Variants in PPP1R1C observed in about 807,000 individuals in gnomAD.
PPP1R1C encodes the protein protein phosphatase 1 regulatory subunit 1C.
Under a neutral mutation model 17.4 loss-of-function variants are expected in PPP1R1C, and 15 were observed. That is an observed-to-expected ratio of 0.86 (90% CI 0.58 to 1.33). The LOEUF (loss-of-function observed/expected upper bound fraction) is 1.33. Among genes scored for constraint, PPP1R1C ranks in the 40% most tolerant of loss-of-function variants. PPP1R1C has a pLI of 0.00. For synonymous variants in PPP1R1C, 35 were observed against 43.1 expected (o/e 0.81, Z 0.73); for missense variants, 143 against 130.0 (o/e 1.10, Z -0.48).
At chr2:182,011,946 A>T (rs1686098008) in intron 2 of PPP1R1C, among the ~76,000 whole-genome samples, 1 of 151,822 alleles carries the variant, frequency 6.6e-6, no homozygotes, top group Non-Finnish European at 1.5e-5. Flanking sequence ...CTTCTTATTG[A>T]TTTTTAATGT....
At chr2:182,000,629 AATGAAAGTTTAGTTATGT>A (rs1319963881) in intron 2 of PPP1R1C, among the ~76,000 whole-genome samples, 2 of 152,144 alleles carry the variant, frequency 1.3e-5, no homozygotes, top group Non-Finnish European at 2.9e-5. Context: ...TAAGGAAGCT[AATGAAAGTTTAGTTATGT>A]ATTATTTGGT....
chr2:182,031,631 C>T (rs1334478327), intron 2 of PPP1R1C, among the ~76,000 whole-genome samples: 1 of 152,172 alleles, frequency 6.6e-6, no homozygotes, highest in Non-Finnish European at 1.5e-5. Context: ...ACAATAGCCT[C>T]ACTTCTTATT....
rs564697507 is a variant in PPP1R1C, at chr2:182,019,315, T to C, written c.142+31416T>C. 1.2e-3 allele frequency among the ~76,000 whole-genome samples: 181 copies of C among 152,240 alleles called. 1 individual carries two copies. Among genetic ancestry groups the C allele is most frequent in the African/African-American group, 4.2e-3 (174 of 41,540 alleles). ...GGCCCTCCAGCCCCATGCAAAGTAC[T>C]TTCTCTCATCAAATATTTTTGCCAT... On this transcript the variant is annotated intron_variant, in intron 2 of 4. Coordinates refer to ENST00000682840, the MANE Select transcript of PPP1R1C (RefSeq NM_001080545.3).
intron 2 of PPP1R1C, among the ~76,000 whole-genome samples, chr2:182,042,539 C>T (rs747204635): frequency 9.2e-5 from 14 of 152,152 alleles, no homozygotes; most frequent in Non-Finnish European, 1.5e-4. Context: ...TGGCTTCAGT[C>T]CTCTAGTGGT....
At chr2:182,115,966 A>G (rs145082893) in intron 4 of PPP1R1C, among the ~76,000 whole-genome samples, 1,733 of 152,296 alleles carry the variant, frequency 0.011, 30 homozygotes, top group African/African-American at 0.037. Flanking sequence ...AAAAAGTGTA[A>G]AATTGCCCAC....
intron 2 of PPP1R1C, 78 bp downstream of exon 2, chr2:181,987,977 GAA>G (rs1694514636): frequency 4.8e-6 from 6 of 1,238,956 alleles, no homozygotes; most frequent in Non-Finnish European, 6.8e-6. Context: ...ATGTCGTACT[GAA>G]AAGTTTCAAT....
intron 2 of PPP1R1C, among the ~76,000 whole-genome samples, chr2:182,012,322 C>T (rs1380042868): frequency 6.6e-6 from 1 of 151,714 alleles, no homozygotes; most frequent in Admixed American, 6.6e-5. Context: ...TTGTTAAATC[C>T]CCTTGCTAAA....
downstream of PPP1R1C, chr2:182,130,998 C>T (rs984172149): frequency 6.6e-6 from 1 of 152,058 alleles, no homozygotes; most frequent in Admixed American, 6.6e-5. Flanking sequence ...TGGTTAGTAC[C>T]TAAATAAGAT....
intron 1 of PPP1R1C, chr2:181,954,683 A>G (rs1243061710): frequency 1.3e-5 from 2 of 152,160 alleles, no homozygotes; most frequent in African/African-American, 4.8e-5. Context: ...CTTCCCCATT[A>G]TATTTTTGGC....
intron 2 of PPP1R1C, among the ~76,000 whole-genome samples, chr2:182,007,815 CACTT>C (rs1685965911): frequency 6.6e-6 from 1 of 152,184 alleles, no homozygotes; most frequent in Admixed American, 6.5e-5. Flanking sequence ...GTAATCCCAG[CACTT>C]TGGGAGGCTG....
At chr2:182,033,224 A>G in intron 2 of PPP1R1C, among the ~76,000 whole-genome samples, 1 of 152,078 alleles carries the variant, frequency 6.6e-6, no homozygotes, top group East Asian at 1.9e-4. Flanking sequence ...GTTTCCTACC[A>G]CACAAACAAT....
At chr2:182,088,956 A>G (rs1415484828) in intron 4 of PPP1R1C, among the ~76,000 whole-genome samples, 2 of 152,224 alleles carry the variant, frequency 1.3e-5, no homozygotes, top group Admixed American at 1.3e-4. Context: ...AGGAACTAGA[A>G]ACTCTAGGCC....
intron 2 of PPP1R1C, among the ~76,000 whole-genome samples, chr2:182,059,083 A>G (rs1247968682): frequency 6.6e-6 from 1 of 152,122 alleles, no homozygotes; most frequent in Non-Finnish European, 1.5e-5. Context: ...TCTTAAGGGC[A>G]TTCTAACTAA....
chr2:182,050,719 T>C (rs887100655), intron 2 of PPP1R1C, among the ~76,000 whole-genome samples: 2 of 152,116 alleles, frequency 1.3e-5, no homozygotes, highest in Admixed American at 6.6e-5. Context: ...TCACCTGTCA[T>C]CCACAAGCCA....
intron 1 of PPP1R1C, among the ~76,000 whole-genome samples, chr2:181,960,058 A>G (rs1684739637): frequency 6.6e-6 from 1 of 152,202 alleles, no homozygotes; most frequent in African/African-American, 2.4e-5. Context: ...AAAGGTAAAT[A>G]TTGCCTCAAA....
chr2:181,989,499 A>G (rs1302161734), intron 2 of PPP1R1C, among the ~76,000 whole-genome samples: 1 of 152,208 alleles, frequency 6.6e-6, no homozygotes, highest in African/African-American at 2.4e-5. Context: ...AGTTTGCACT[A>G]CATGGTGAAG....
chr2:182,014,860 C>T lies in PPP1R1C; in HGVS notation c.142+26961C>T, dbSNP rs1351408022. Among the ~76,000 whole-genome samples the T allele has an allele frequency of 2.6e-5, 4 of 151,866 alleles. 1 individual carries two copies. In the East Asian group the frequency reaches 5.8e-4, roughly 22 times the overall value. On this transcript the variant is annotated intron_variant, in intron 2 of 4. Coordinates refer to ENST00000682840, the MANE Select transcript of PPP1R1C (RefSeq NM_001080545.3). ...GTCCATGGTGAGTACTGCCTGGCTA[C>T]CACCAATGTTCACTCAAGGCCCAAG...
intron 2 of PPP1R1C, among the ~76,000 whole-genome samples, chr2:181,993,095 G>C (rs1685512996): frequency 6.6e-6 from 1 of 152,116 alleles, no homozygotes. Flanking sequence ...CTGAGACACT[G>C]GATGATAGCT....
Position 181,957,552 on chromosome 2 carries a change from C to T in PPP1R1C, n.111+2918C>T, listed in dbSNP as rs1684690666. ...ATTCCATTGTTTATACGTAAAATTACTAAATATTAGTTATTGGGTAGTCCT... is the reference window on the plus strand; with the variant it reads ...ATTCCATTGTTTATACGTAAAATTATTAAATATTAGTTATTGGGTAGTCCT... On this transcript the variant is annotated intron_variant and non_coding_transcript_variant, in intron 1 of 5. Transcript: ENST00000464264. The surrounding 1 kb of genome is among the most constrained non-coding windows in gnomAD (Gnocchi z 4.2). Among the ~76,000 whole-genome samples the T allele has an allele frequency of 6.6e-6, 1 of 152,106 alleles. No individual in the cohort carries two copies. Among genetic ancestry groups the T allele is most frequent in the Non-Finnish European group, 1.5e-5 (1 of 68,024 alleles).
Sources: allele counts gnomAD v4.1 joint callset (sites outside exome capture counted in the v4.1 genomes callset), GRCh38; gene constraint gnomAD v4.1.1; non-coding constraint Gnocchi (gnomAD v3.1); transcripts MANE v1.5; gene names NCBI Gene and HGNC (gene_info 2026-07-23, HGNC 2026-07-21).